Variants in PRDM5 observed in about 807,000 individuals in gnomAD.
PRDM5 encodes the protein PR/SET domain 5, also known as PR domain zinc finger protein 5.
In PRDM5, 56 loss-of-function variants were observed where a neutral mutation model predicts 81.2. That is an observed-to-expected ratio of 0.69 (90% CI 0.56 to 0.86). The LOEUF (loss-of-function observed/expected upper bound fraction) is 0.86. Among genes scored for constraint, PRDM5 ranks in the 40% least tolerant of loss-of-function variants. The pLI is 0.00. For synonymous variants in PRDM5, 267 were observed against 256.4 expected (o/e 1.04, Z -0.39); for missense variants, 697 against 770.1 (o/e 0.91, Z 1.12).
At position 120,773,855 on chromosome 4, in the gene PRDM5, ATCCAGCTGTC is replaced by A. The variant is rs1029229308; in HGVS notation, c.1537+3323_1537+3332del. Reference sequence around the variant, plus strand: ...GATGAGTGAAGAAACAGATACGAGAATCCAGCTGTCTCCTCTTAAACCACAGACTTTCAGA... The same window carrying A: ...GATGAGTGAAGAAACAGATACGAGAATCCTCTTAAACCACAGACTTTCAGA... On this transcript the variant is annotated intron_variant, in intron 13 of 15. Transcript: ENST00000264808. Among the ~76,000 whole-genome samples, 45 of 152,232 alleles carry A rather than the reference ATCCAGCTGTC, an allele frequency of 3.0e-4. 1 individual carries two copies. The highest frequency in any genetic ancestry group is 4.4e-5 in the Non-Finnish European group (3 of 68,032).
At chr4:120,734,755 T>G (rs74857583) in intron 14 of PRDM5, among the ~76,000 whole-genome samples, 3,261 of 152,308 alleles carry the variant, frequency 0.021, 49 homozygotes, top group Non-Finnish European at 0.032. Context: ...ATGTCTCCAG[T>G]GTATTTTCTA....
At chr4:120,781,324 T>A in intron 11 of PRDM5, 21 bp from the exon 12 acceptor site, 1 of 1,608,352 alleles carries the variant, frequency 6.2e-7, no homozygotes, top group Non-Finnish European at 8.5e-7. Context: ...AAGAGAAACA[T>A]TTAAGAAGCA....
In PRDM5 at chr4:120,777,336, T is replaced by C. The variant is rs1228040701; in HGVS notation, c.1444-55A>G. 4 of 1,610,970 alleles carry C rather than the reference T, an allele frequency of 2.5e-6. No individual in the cohort carries two copies. The Admixed American group carries it at 6.7e-5, about 27-fold the overall frequency. ...ATAAATACAAAGAATTAGGTAAAGA[T>C]GATTAAATGCCTCTGACAATAGTAA... is the stretch of plus-strand genomic sequence containing the variant. On this transcript the variant is annotated intron_variant, in intron 12 of 15. Coordinates refer to ENST00000264808, the MANE Select transcript of PRDM5 (RefSeq NM_018699.4).
chr4:120,747,918 T>C (rs28576442), intron 14 of PRDM5, among the ~76,000 whole-genome samples: 1 of 152,226 alleles, frequency 6.6e-6, no homozygotes, highest in Non-Finnish European at 1.5e-5. Flanking sequence ...TTGGCCCAGG[T>C]GCCTTCCATG....
chr4:120,854,891 G>A (rs1759695404), intron 2 of PRDM5, among the ~76,000 whole-genome samples: 1 of 151,938 alleles, frequency 6.6e-6, no homozygotes, highest in African/African-American at 2.4e-5. Flanking sequence ...TGAAAGGCAA[G>A]GAGAAAGGCC....
chr4:120,818,983 T>C (rs992960994), intron 4 of PRDM5, among the ~76,000 whole-genome samples: 17 of 152,186 alleles, frequency 1.1e-4, no homozygotes, highest in Non-Finnish European at 1.8e-4. Context: ...ATTAAGCTAG[T>C]AGAGTGAATT....
chr4:120,706,352 A>G (rs1404782670), intron 15 of PRDM5, among the ~76,000 whole-genome samples: 1 of 152,166 alleles, frequency 6.6e-6, no homozygotes, highest in African/African-American at 2.4e-5. Context: ...GACCTTAACT[A>G]GAATAATGGC....
At chr4:120,908,566 G>T (rs1183561667) in intron 1 of PRDM5, among the ~76,000 whole-genome samples, 2 of 152,120 alleles carry the variant, frequency 1.3e-5, no homozygotes, top group African/African-American at 4.8e-5. Context: ...AAAGCTTAAA[G>T]AATTACAAAT....
intron 3 of PRDM5, among the ~76,000 whole-genome samples, chr4:120,832,870 G>C (rs1408805189): frequency 6.6e-6 from 1 of 152,036 alleles, no homozygotes; most frequent in African/African-American, 2.4e-5. Context: ...CTTTAAAAAA[G>C]ATTAGACAAG....
chr4:120,715,240 A>G (rs935932276), intron 14 of PRDM5, among the ~76,000 whole-genome samples: 1 of 152,276 alleles, frequency 6.6e-6, no homozygotes, highest in East Asian at 1.9e-4. Flanking sequence ...GGCTATCATT[A>G]CTTTTTTTAC....
intron 13 of PRDM5, among the ~76,000 whole-genome samples, chr4:120,757,491 G>T (rs1342846482): frequency 6.6e-6 from 1 of 152,096 alleles, no homozygotes; most frequent in Non-Finnish European, 1.5e-5. Flanking sequence ...ATGTCAACTT[G>T]ACTAGGTTAA....
At chr4:120,724,662 C>A (rs1420347482) in intron 14 of PRDM5, among the ~76,000 whole-genome samples, 1 of 152,062 alleles carries the variant, frequency 6.6e-6, no homozygotes, top group Non-Finnish European at 1.5e-5. Context: ...CAGAGGTGTG[C>A]AGGAGAAAGG....
chr4:120,747,086 A>T (rs1278673090), intron 14 of PRDM5, among the ~76,000 whole-genome samples: 1 of 148,910 alleles, frequency 6.7e-6, no homozygotes, highest in African/African-American at 2.5e-5. Context: ...CATATACACC[A>T]TAGAATACTA....
chr4:120,714,335 CTT>C (rs1056333290), intron 14 of PRDM5, among the ~76,000 whole-genome samples: 1 of 152,082 alleles, frequency 6.6e-6, no homozygotes, highest in African/African-American at 2.4e-5. Flanking sequence ...CTTAATATCT[CTT>C]TAACATTTCC....
intron 13 of PRDM5, among the ~76,000 whole-genome samples, chr4:120,754,958 T>A (rs1441319909): frequency 1.3e-5 from 2 of 152,262 alleles, no homozygotes; most frequent in African/African-American, 4.8e-5. Flanking sequence ...AAGAATTTGT[T>A]AAAAATATTT....
intron 11 of PRDM5, 121 bp from the exon 12 acceptor site, chr4:120,781,424 T>G: frequency 1.2e-6 from 1 of 859,376 alleles, no homozygotes; most frequent in South Asian, 1.5e-5. Flanking sequence ...GAATGTTAAC[T>G]TTTTATTTTT....
At chr4:120,712,510 C>T (rs557851162) in intron 14 of PRDM5, among the ~76,000 whole-genome samples, 15 of 152,164 alleles carry the variant, frequency 9.9e-5, no homozygotes, top group Non-Finnish European at 1.9e-4. Context: ...CCTCCTCCCC[C>T]ACCACCTGCA....
intron 2 of PRDM5, among the ~76,000 whole-genome samples, chr4:120,870,299 C>T (rs901503411): frequency 1.3e-5 from 2 of 152,138 alleles, no homozygotes; most frequent in African/African-American, 4.8e-5. Flanking sequence ...TCTATTACTC[C>T]AAAAATCATT....
At chr4:120,784,153 T>A (rs17051255) in intron 11 of PRDM5, among the ~76,000 whole-genome samples, 6,918 of 152,154 alleles carry the variant, frequency 0.045, 210 homozygotes, top group African/African-American at 0.087. Flanking sequence ...AAACAGAGAA[T>A]CCACTTTAAA....
Sources: allele counts gnomAD v4.1 joint callset (sites outside exome capture counted in the v4.1 genomes callset), GRCh38; gene constraint gnomAD v4.1.1; transcripts MANE v1.5; gene names NCBI Gene and HGNC (gene_info 2026-07-23, HGNC 2026-07-21).